EZR: variants seen among roughly 807,000 people sequenced by gnomAD.
EZR encodes the protein ezrin, also known as cytovillin 2.
EZR carries 40 observed loss-of-function variants against 74.8 expected under a neutral mutation model. That is an observed-to-expected ratio of 0.53 (90% CI 0.42 to 0.70). The LOEUF is 0.70. Among genes scored for constraint, EZR ranks in the 30% least tolerant of loss-of-function variants. The pLI is 0.00. For missense variants in EZR, 678 were observed against 755.8 expected (o/e 0.90, Z 1.21); for synonymous variants, 341 against 283.3 (o/e 1.20, Z -2.05).
At chr6:158,784,557 C>CTTT in intron 6 of EZR, 87 bp downstream of exon 6, 2 of 1,233,706 alleles carry the variant, frequency 1.6e-6, no homozygotes, top group Non-Finnish European at 2.4e-6. Flanking sequence ...ACACAGAGCC[C>CTTT]TTTAAAGCAC....
intron 2 of EZR, among the ~76,000 whole-genome samples, chr6:158,804,612 T>C (rs1284700652): frequency 6.6e-6 from 1 of 152,200 alleles, no homozygotes; most frequent in African/African-American, 2.4e-5. Context: ...AAGGCCAAGA[T>C]GGCTTATTAT....
chr6:158,782,871 G>A (rs1023677378), intron 7 of EZR, among the ~76,000 whole-genome samples: 1 of 152,166 alleles, frequency 6.6e-6, no homozygotes, highest in Non-Finnish European at 1.5e-5. Flanking sequence ...CATGAACTAG[G>A]ATGACTTTCC....
At chr6:158,817,917 G>GT (rs1024557810) in intron 2 of EZR, 165 bp downstream of exon 2, 2 of 541,602 alleles carry the variant, frequency 3.7e-6, no homozygotes, top group African/African-American at 3.9e-5. Context: ...CCACAAAAGG[G>GT]TCAACAAGTA....
At chr6:158,814,766 C>G (rs1056896844) in intron 2 of EZR, among the ~76,000 whole-genome samples, 1 of 152,086 alleles carries the variant, frequency 6.6e-6, no homozygotes, top group Admixed American at 6.5e-5. Context: ...TAGTCTTGAT[C>G]TCTTGACCTT....
At chr6:158,807,515 C>T (rs1435959416) in intron 2 of EZR, among the ~76,000 whole-genome samples, 1 of 152,158 alleles carries the variant, frequency 6.6e-6, no homozygotes, top group Non-Finnish European at 1.5e-5. Context: ...CTTGCAAAAA[C>T]AAGTTCTTGA....
chr6:158,803,571 AT>A lies in EZR; in HGVS notation c.13-14201del, dbSNP rs1562504448. On this transcript the variant is annotated intron_variant, in intron 2 of 13. Transcript: ENST00000367075. Reference sequence around the variant, plus strand: ...TATATATATATATATATATATATATATATATATATACATATATATATATATA... The same window carrying A: ...TATATATATATATATATATATATATAATATATATACATATATATATATATA... Among the ~76,000 whole-genome samples the A allele has an allele frequency of 6.8e-3, 42 of 6,204 alleles. 5 individuals carry two copies. Among genetic ancestry groups the A allele is most frequent in the African/African-American group, 0.014 (21 of 1,522 alleles). The allele number at this position is 6,204 out of a possible 152,430, so 4.1% of individuals were successfully genotyped here.
chr6:158,800,482 T>C (rs976768992), intron 2 of EZR, among the ~76,000 whole-genome samples: 2 of 152,164 alleles, frequency 1.3e-5, no homozygotes, highest in Admixed American at 6.5e-5. Flanking sequence ...TGTTGACTTT[T>C]AGGAGGTGGA....
intron 1 of EZR, among the ~76,000 whole-genome samples, chr6:158,818,421 C>G (rs1361158914): frequency 6.7e-6 from 1 of 150,150 alleles, no homozygotes; most frequent in Non-Finnish European, 1.5e-5. Flanking sequence ...ACTGGAGGTG[C>G]CCCCCAGTTG....
At chr6:158,793,958 C>T (rs1791808026) in intron 2 of EZR, among the ~76,000 whole-genome samples, 1 of 152,176 alleles carries the variant, frequency 6.6e-6, no homozygotes, top group African/African-American at 2.4e-5. Flanking sequence ...ACTTTGTCTA[C>T]TTATCCAAGG....
At chr6:158,768,347 CTCTTT>C (rs1156877991) in intron 12 of EZR, among the ~76,000 whole-genome samples, 15 of 152,006 alleles carry the variant, frequency 9.9e-5, no homozygotes, top group African/African-American at 2.4e-4. Context: ...TCAATTAAAC[CTCTTT>C]TCTTTAACTA....
intron 7 of EZR, among the ~76,000 whole-genome samples, chr6:158,782,796 G>C (rs1234092526): frequency 2.0e-5 from 3 of 152,192 alleles, no homozygotes; most frequent in Non-Finnish European, 4.4e-5. Flanking sequence ...GGTAGCTTCT[G>C]ATCAGATCAA....
At chr6:158,805,337 GAAAAAAAAA>G (rs56269785) in intron 2 of EZR, among the ~76,000 whole-genome samples, 6 of 116,892 alleles carry the variant, frequency 5.1e-5, no homozygotes, top group African/African-American at 2.1e-4. Context: ...TCCATCTCAG[GAAAAAAAAA>G]AAAAAAAAAA....
intron 12 of EZR, among the ~76,000 whole-genome samples, chr6:158,768,657 A>G (rs1023208344): frequency 6.6e-6 from 1 of 152,192 alleles, no homozygotes; most frequent in Admixed American, 6.5e-5. Context: ...AGGGGATCCC[A>G]GACGGAGCGA....
intron 2 of EZR, among the ~76,000 whole-genome samples, chr6:158,802,414 T>TTA (rs139797764): frequency 0.52 from 79,692 of 151,964 alleles, 21,825 homozygotes; most frequent in Non-Finnish European, 0.61. Flanking sequence ...TTATGATTTT[T>TTA]TGATGCGTTG....
Position 158,776,499 on chromosome 6 carries a change from G to A in EZR, c.704C>T (p.Thr235Ile). Residue 235 changes from threonine (T) to isoleucine (I), a missense_variant, in exon 8 of 14, where the codon ACC becomes ATC. Physicochemically the swap from Thr to Ile is moderately conservative, Grantham distance 89. This residue lies in a region of EZR where 119 missense variants were observed against 182.3 expected (regional missense o/e 0.65). Coordinates refer to ENST00000367075, the MANE Select transcript of EZR (RefSeq NM_001111077.2). ...ACTCCAAGGAAAGCCAATCTTTGGG[G>A]TTAACCTGAGGTTAAAAAGAAGAAG... Reference protein sequence around the residue: ...LNIYEKDDKLTPKIGFPWSEI... With the variant: ...LNIYEKDDKLIPKIGFPWSEI... 2 of 1,611,268 alleles carry A rather than the reference G, an allele frequency of 1.2e-6. No individual in the cohort carries two copies. Among genetic ancestry groups the A allele is most frequent in the Non-Finnish European group, 1.7e-6 (2 of 1,178,778 alleles).
chr6:158,785,216 T>C, intron 5 of EZR, 93 bp downstream of exon 5: 2 of 1,502,570 alleles, frequency 1.3e-6, no homozygotes, highest in East Asian at 2.3e-5. Flanking sequence ...GGCGAAGTCC[T>C]TGTGTTTTTA....
rs143687019 is a variant in EZR, at chr6:158,780,503, G to C, written c.698+3017C>G. On this transcript the variant is annotated intron_variant, in intron 7 of 13. Coordinates refer to ENST00000367075, the MANE Select transcript of EZR (RefSeq NM_001111077.2). Reference sequence around the variant, plus strand: ...AAAGAGACGTGAGAAAGCAAGCGAAGCCCTGAGTACCTATCCGCAAGGAAT... The same window carrying C: ...AAAGAGACGTGAGAAAGCAAGCGAACCCCTGAGTACCTATCCGCAAGGAAT... Among the ~76,000 whole-genome samples, 1,286 of 152,256 alleles carry C rather than the reference G, an allele frequency of 8.4e-3. 13 individuals are homozygous for C. Among genetic ancestry groups the C allele is most frequent in the African/African-American group, 0.03 (1,229 of 41,526 alleles).
At chr6:158,794,303 C>A (rs568619144) in intron 2 of EZR, among the ~76,000 whole-genome samples, 5 of 152,168 alleles carry the variant, frequency 3.3e-5, no homozygotes, top group African/African-American at 9.6e-5. Context: ...ACCAGCACTA[C>A]CACCAGCACC....
Position 158,776,471 on chromosome 6 carries a change from T to C in EZR, c.732A>G (p.Glu244=). The change falls in exon 8 of 14, where the codon GAA becomes GAG. Residue 244 remains glutamate, a synonymous_variant. Coordinates refer to ENST00000367075, the MANE Select transcript of EZR (RefSeq NM_001111077.2). ...TGTCATTGAAAGAGATGTTCCTGATTTCACTCCAAGGAAAGCCAATCTTTG... is the reference window on the plus strand; with the variant it reads ...TGTCATTGAAAGAGATGTTCCTGATCTCACTCCAAGGAAAGCCAATCTTTG... ...LTPKIGFPWS[E]IRNISFNDKK... is the part of the protein sequence containing the mutation. 6.2e-7 allele frequency: 1 copy of C among 1,613,632 alleles called. No homozygotes were observed.
Sources: allele counts gnomAD v4.1 joint callset (sites outside exome capture counted in the v4.1 genomes callset), GRCh38; gene constraint gnomAD v4.1.1; regional missense constraint gnomAD v4.1.1; transcripts MANE v1.5; gene names NCBI Gene and HGNC (gene_info 2026-07-23, HGNC 2026-07-21).